The following FOXO3 variants were observed in gnomAD, a reference collection of about 807,000 sequenced individuals.
The protein encoded by FOXO3 is forkhead box O3, also known as forkhead box protein O3.
FOXO3 carries 4 observed loss-of-function variants against 41.9 expected under a neutral mutation model. The ratio of observed to expected loss-of-function variants is 0.10; its 90% CI spans 0.05 to 0.22. FOXO3 has a LOEUF of 0.22. Ranked by LOEUF, FOXO3 falls within the 10% of genes least tolerant of loss-of-function variation. The probability of loss-of-function intolerance (pLI) is 1.00; values close to 1 mark genes in which losing one functional copy is unlikely to be tolerated. For synonymous variants in FOXO3, 318 were observed against 389.3 expected (o/e 0.82, Z 2.16); for missense variants, 534 against 906.8 (o/e 0.59, Z 5.28).
chr6:108,615,622 A>G (rs1169867523), intron 1 of FOXO3, among the ~76,000 whole-genome samples: 4 of 152,022 alleles, frequency 2.6e-5, no homozygotes. Flanking sequence ...TTTTTATAAA[A>G]AAAATTTAAA....
At chr6:108,640,710 A>G (rs1385807305) in intron 1 of FOXO3, among the ~76,000 whole-genome samples, 3 of 152,206 alleles carry the variant, frequency 2.0e-5, no homozygotes, top group Non-Finnish European at 4.4e-5. Flanking sequence ...GTGATTAATC[A>G]TACAGCTTAT....
intron 1 of FOXO3, among the ~76,000 whole-genome samples, chr6:108,570,159 C>G (rs1776061007): frequency 6.6e-6 from 1 of 151,848 alleles, no homozygotes; most frequent in South Asian, 2.1e-4. Flanking sequence ...GCCACCACTC[C>G]CAGCTAATTT....
At chr6:108,595,129 C>A (rs927699291) in intron 1 of FOXO3, among the ~76,000 whole-genome samples, 1 of 152,172 alleles carries the variant, frequency 6.6e-6, no homozygotes, top group African/African-American at 2.4e-5. Context: ...GCTCCCCCTC[C>A]CACAAGCAGC....
intron 1 of FOXO3, among the ~76,000 whole-genome samples, chr6:108,646,671 G>T (rs1027335182): frequency 2.0e-5 from 3 of 152,200 alleles, no homozygotes; most frequent in African/African-American, 7.2e-5. Context: ...GACTTCGATT[G>T]CTAAAGGTAG....
At chr6:108,665,563 C>G (rs1157153766) in intron 2 of FOXO3, among the ~76,000 whole-genome samples, 1 of 152,096 alleles carries the variant, frequency 6.6e-6, no homozygotes, top group East Asian at 1.9e-4. Flanking sequence ...TGTCTCACGC[C>G]TATAATCCCA....
At chr6:108,562,125 T>G (rs1393126742) in intron 1 of FOXO3, among the ~76,000 whole-genome samples, 1 of 151,816 alleles carries the variant, frequency 6.6e-6, no homozygotes, top group Non-Finnish European at 1.5e-5. Flanking sequence ...TGCTGGATTC[T>G]CCGGACAGCA....
chr6:108,621,710 G>A (rs1230031451), intron 1 of FOXO3, among the ~76,000 whole-genome samples: 1 of 152,124 alleles, frequency 6.6e-6, no homozygotes, highest in Non-Finnish European at 1.5e-5. Context: ...CCTCACAGTG[G>A]CATGGTCCGT....
rs747727310 is a variant in FOXO3 at position 108,615,505 on chromosome 6, A to AT, written c.622-47940dup. ...CTTTTTTCTTCTGCCGCTTTTAAGT[A>AT]TTTTTTTTTTGTATCACTGGTTTTT... is the stretch of plus-strand genomic sequence containing the variant. On this transcript the variant is annotated intron_variant, in intron 1 of 2. Transcript: ENST00000406360. Among the ~76,000 whole-genome samples, 1,196 of 147,492 alleles carry AT rather than the reference A, an allele frequency of 8.1e-3. 14 individuals carry two copies. Among genetic ancestry groups the AT allele is most frequent in the Non-Finnish European group, 9.0e-3 (599 of 66,396 alleles).
intron 1 of FOXO3, among the ~76,000 whole-genome samples, chr6:108,649,923 G>T (rs1469781425): frequency 7.2e-5 from 11 of 152,000 alleles, no homozygotes; most frequent in Admixed American, 7.2e-4. Flanking sequence ...CCCTTGTCTT[G>T]ATGTGAAGGG....
chr6:108,655,908 A>T (rs1006670484), intron 1 of FOXO3, among the ~76,000 whole-genome samples: 1 of 152,192 alleles, frequency 6.6e-6, no homozygotes, highest in African/African-American at 2.4e-5. Flanking sequence ...GTCAGTACCC[A>T]CAAGTCAAGC....
intron 1 of FOXO3, among the ~76,000 whole-genome samples, chr6:108,586,518 C>T (rs868628554): frequency 7.9e-5 from 12 of 152,092 alleles, no homozygotes; most frequent in Middle Eastern, 6.3e-3. Context: ...GTAACATGAG[C>T]TAGACTGAGT....
At chr6:108,585,739 G>A (rs575151807) in intron 1 of FOXO3, among the ~76,000 whole-genome samples, 3 of 152,314 alleles carry the variant, frequency 2.0e-5, no homozygotes, top group Admixed American at 6.5e-5. Flanking sequence ...AAAAGGTATC[G>A]TTATTATTAT....
chr6:108,572,160 A>T (rs1404642119), intron 1 of FOXO3, among the ~76,000 whole-genome samples: 1 of 152,148 alleles, frequency 6.6e-6, no homozygotes, highest in African/African-American at 2.4e-5. Context: ...CTTGAGGTTT[A>T]CAGTAAGTCC....
At chr6:108,582,326 GTGT>G (rs1776443635) in intron 1 of FOXO3, among the ~76,000 whole-genome samples, 4 of 152,162 alleles carry the variant, frequency 2.6e-5, no homozygotes, top group South Asian at 2.1e-4. Flanking sequence ...TCCCAGCCTT[GTGT>G]TGTTGTTGTC....
chr6:108,624,697 A>G (rs1437163311), intron 1 of FOXO3, among the ~76,000 whole-genome samples: 1 of 152,208 alleles, frequency 6.6e-6, no homozygotes, highest in South Asian at 2.1e-4. Flanking sequence ...TTTTCTATGC[A>G]TAAAAGTGGA....
chr6:108,656,374 G>A (rs1330080840), intron 1 of FOXO3: 1 of 985,172 alleles, frequency 1.0e-6, no homozygotes, highest in East Asian at 1.1e-4. Context: ...AGGTAAACAT[G>A]GTTTGGAAGG....
At chr6:108,617,607 T>C (rs1777551735) in intron 1 of FOXO3, among the ~76,000 whole-genome samples, 1 of 152,078 alleles carries the variant, frequency 6.6e-6, no homozygotes, top group Non-Finnish European at 1.5e-5. Flanking sequence ...TTGAACAAGG[T>C]ATGCAAGGAT....
chr6:108,563,183 T>A (rs1404986466), intron 1 of FOXO3, among the ~76,000 whole-genome samples: 1 of 152,192 alleles, frequency 6.6e-6, no homozygotes, highest in Non-Finnish European at 1.5e-5. Context: ...AAGAACTTAA[T>A]GTAGAGAATG....
rs1251356079 is a variant in FOXO3 at position 108,591,336 on chromosome 6, C to G, written c.621+29507C>G. Among the ~76,000 whole-genome samples the G allele has an allele frequency of 2.6e-5, 4 of 152,160 alleles. 1 individual carries two copies. Among genetic ancestry groups the G allele is most frequent in the Admixed American group, 2.6e-4 (4 of 15,278 alleles). The stretch of plus-strand genomic sequence containing the variant: ...AGTTGTATTCCCTTGGAAACACTAG[C>G]AGTCGTGCATCATTTGGGCAGTTAG... On this transcript the variant is annotated intron_variant, in intron 1 of 2. Coordinates refer to ENST00000406360, the MANE Select transcript of FOXO3 (RefSeq NM_001455.4).
Sources: gnomAD v4.1 joint callset for allele counts (sites outside exome capture counted in the v4.1 genomes callset) on GRCh38, gnomAD v4.1.1 for gene constraint, MANE v1.5 for transcripts, NCBI Gene and HGNC (gene_info 2026-07-23, HGNC 2026-07-21) for gene names.